Variants in YIPF4 observed in about 807,000 individuals in gnomAD.
YIPF4 encodes the protein Yip1 domain family member 4.
YIPF4 carries 18 observed loss-of-function variants against 29.4 expected under a neutral mutation model. The observed-to-expected ratio is 0.61, with a 90% CI of 0.42 to 0.91. The LOEUF is 0.91. YIPF4 is among the 40% of genes least tolerant of loss of function. The pLI is 0.00. For synonymous variants in YIPF4, 115 were observed against 104.7 expected (o/e 1.10, Z -0.60); for missense variants, 279 against 282.7 (o/e 0.99, Z 0.09).
intron 5 of YIPF4, among the ~76,000 whole-genome samples, chr2:32,304,919 T>C (rs2031524730): frequency 6.6e-6 from 1 of 152,162 alleles, no homozygotes; most frequent in Non-Finnish European, 1.5e-5. Context: ...TCTTTTTATC[T>C]CCTTTTTATT....
chr2:32,282,315 A>G (rs1410814545), intron 1 of YIPF4, among the ~76,000 whole-genome samples: 1 of 152,198 alleles, frequency 6.6e-6, no homozygotes, highest in Non-Finnish European at 1.5e-5. Flanking sequence ...GTTTCTTTCT[A>G]CTGTCTCTTT....
chr2:32,296,475 A>G (rs1477137406), intron 3 of YIPF4, among the ~76,000 whole-genome samples: 1 of 151,792 alleles, frequency 6.6e-6, no homozygotes, highest in Non-Finnish European at 1.5e-5. Flanking sequence ...AGTCTCAAAA[A>G]AAAAAAAAAG....
rs549379120 is a variant in YIPF4, at chr2:32,315,118, T to C, written c.*9492T>C. On this transcript the variant is annotated 3_prime_UTR_variant, in exon 6 of 6. Transcript: ENST00000238831. ...GCTCTATTCTGCCATCTTTGGTGAG[T>C]GGCTTTCATCCTCATTGTCTCAGAA... is the stretch of plus-strand genomic sequence containing the variant. The C allele has an allele frequency of 6.6e-6, 1 of 152,330 alleles. No individual in the cohort carries two copies. The highest frequency in any genetic ancestry group is 1.5e-5 in the Non-Finnish European group (1 of 68,028). The allele number at this position is 152,330 out of a possible 1,614,324, so 9.4% of individuals were successfully genotyped here.
chr2:32,293,965 G>T (rs1205256237), intron 3 of YIPF4, among the ~76,000 whole-genome samples: 2 of 147,878 alleles, frequency 1.4e-5, no homozygotes, highest in African/African-American at 5.0e-5. Flanking sequence ...CCTCCCTCCC[G>T]GACGGGGCGG....
chr2:32,297,924 T>G (rs1558479937), intron 3 of YIPF4, among the ~76,000 whole-genome samples: 1 of 152,164 alleles, frequency 6.6e-6, no homozygotes, highest in Non-Finnish European at 1.5e-5. Flanking sequence ...AAATTTTTCT[T>G]CTGGGATGCT....
At chr2:32,299,463 AT>A (rs1439544388) in intron 4 of YIPF4, among the ~76,000 whole-genome samples, 1 of 152,210 alleles carries the variant, frequency 6.6e-6, no homozygotes, top group Non-Finnish European at 1.5e-5. Flanking sequence ...CAGGTATATA[AT>A]TGAAAAGGGA....
At chr2:32,278,385 G>T in intron 1 of YIPF4, 151 bp downstream of exon 1, 1 of 708,744 alleles carries the variant, frequency 1.4e-6, no homozygotes, top group South Asian at 2.0e-5. Context: ...CGGGCCTTCC[G>T]AGAGGCCCCG....
intron 2 of YIPF4, among the ~76,000 whole-genome samples, chr2:32,291,419 C>G (rs952739945): frequency 1.3e-5 from 2 of 152,144 alleles, no homozygotes; most frequent in Non-Finnish European, 2.9e-5. Flanking sequence ...TGTCAGGGGC[C>G]TGTAGTCCCA....
intron 1 of YIPF4, among the ~76,000 whole-genome samples, chr2:32,286,588 C>T (rs1228160041): frequency 6.6e-6 from 1 of 151,856 alleles, no homozygotes; most frequent in Admixed American, 6.6e-5. Context: ...GCTCTGTTGG[C>T]AGGCTGGAGT....
chr2:32,313,406 C>G lies in YIPF4; in HGVS notation c.*7780C>G, dbSNP rs1399858222. The G allele has an allele frequency of 6.6e-6, 1 of 152,184 alleles. No individual in the cohort carries two copies. Among genetic ancestry groups the G allele is most frequent in the Non-Finnish European group, 1.5e-5 (1 of 68,076 alleles). 9.4% of individuals were successfully genotyped at this position (152,184 alleles called of 1,614,324 possible). A position where few individuals can be genotyped will look rare whatever the true frequency, so the allele number is the denominator to read the frequency against. ...TTGTTGAGATGGAGTCTCGCTGTCTCGCTGAGGCTGGAGTGCAGTGGTGCA... is the reference window on the plus strand; with the variant it reads ...TTGTTGAGATGGAGTCTCGCTGTCTGGCTGAGGCTGGAGTGCAGTGGTGCA... On this transcript the variant is annotated 3_prime_UTR_variant, in exon 6 of 6. Transcript: ENST00000238831.
At chr2:32,283,980 A>G (rs2030544707) in intron 1 of YIPF4, among the ~76,000 whole-genome samples, 1 of 152,070 alleles carries the variant, frequency 6.6e-6, no homozygotes, top group South Asian at 2.1e-4. Flanking sequence ...TCTGCCTCCC[A>G]AAGTGCTGGG....
chr2:32,306,844 AAG>A lies in YIPF4; in HGVS notation c.*1221_*1222del, dbSNP rs1249579985. ...TATTATCCTTTCTGGTCTCACCTGG[AAG>A]AGTTTCCTGCTGTCCTCAGTATGAT... On this transcript the variant is annotated 3_prime_UTR_variant, in exon 6 of 6. Coordinates refer to ENST00000238831, the MANE Select transcript of YIPF4 (RefSeq NM_032312.4). The A allele has an allele frequency of 4.8e-6, 1 of 206,286 alleles. No homozygotes were observed. Among genetic ancestry groups the A allele is most frequent in the Admixed American group, 6.2e-5 (1 of 16,016 alleles). The allele number at this position is 206,286 out of a possible 1,614,324, so 12.8% of individuals were successfully genotyped here.
intron 5 of YIPF4, among the ~76,000 whole-genome samples, chr2:32,302,289 A>G (rs937493631): frequency 6.6e-6 from 1 of 152,078 alleles, no homozygotes; most frequent in Admixed American, 6.6e-5. Flanking sequence ...TCAGCCTCCC[A>G]AAGTGCTGGG....
In YIPF4 at chr2:32,298,850, G is replaced by A. The variant is rs367572995; in HGVS notation, c.483+539G>A. On this transcript the variant is annotated intron_variant, in intron 4 of 5. Coordinates refer to ENST00000238831, the MANE Select transcript of YIPF4 (RefSeq NM_032312.4). ...TGGGATTACAGGAGTGAGCTACTGC[G>A]CCCAGACAAAATTTATTTATTTATT... Among the ~76,000 whole-genome samples, 17 of 151,672 alleles carry A rather than the reference G, an allele frequency of 1.1e-4. No individual in the cohort carries two copies. The South Asian group carries it at 3.5e-3, about 32-fold the overall frequency.
intron 1 of YIPF4, among the ~76,000 whole-genome samples, chr2:32,289,558 T>G (rs1270295985): frequency 6.6e-6 from 1 of 152,214 alleles, no homozygotes; most frequent in African/African-American, 2.4e-5. Context: ...CTGACAGTAT[T>G]GATGGTTGTT....
At chr2:32,299,683 G>A (rs951467094) in intron 4 of YIPF4, among the ~76,000 whole-genome samples, 1 of 152,102 alleles carries the variant, frequency 6.6e-6, no homozygotes, top group South Asian at 2.1e-4. Flanking sequence ...GCATAGTGGT[G>A]TGTGCCTGTG....
chr2:32,279,257 C>T (rs1040277957), intron 1 of YIPF4, among the ~76,000 whole-genome samples: 2 of 152,026 alleles, frequency 1.3e-5, no homozygotes, highest in East Asian at 3.9e-4. Context: ...CGGCGTGAGC[C>T]ACCGCGCCCC....
At chr2:32,294,266 C>G (rs934325128) in intron 3 of YIPF4, among the ~76,000 whole-genome samples, 2 of 151,584 alleles carry the variant, frequency 1.3e-5, no homozygotes, top group South Asian at 2.1e-4. Flanking sequence ...CCTCACTTCT[C>G]AGACGGGGCG....
intron 3 of YIPF4, among the ~76,000 whole-genome samples, chr2:32,294,067 T>C (rs1178723628): frequency 5.1e-5 from 7 of 136,220 alleles, no homozygotes; most frequent in South Asian, 2.4e-4. Flanking sequence ...TAGGGGCGGC[T>C]GGGCAGAGGC....
Sources: gnomAD v4.1 joint callset for allele counts (sites outside exome capture counted in the v4.1 genomes callset) on GRCh38, gnomAD v4.1.1 for gene constraint, MANE v1.5 for transcripts, NCBI Gene and HGNC (gene_info 2026-07-23, HGNC 2026-07-21) for gene names.